ZNF235: variants seen among roughly 807,000 people sequenced by gnomAD.
ZNF235 encodes zfp-93.
In ZNF235, 25 loss-of-function variants were observed where a neutral mutation model predicts 29.4. The ratio of observed to expected loss-of-function variants is 0.85; its 90% CI spans 0.62 to 1.19. The LOEUF is 1.19. Ranked by LOEUF, ZNF235 falls within the 50% of genes most tolerant of loss-of-function variation. The pLI is 0.00. For missense variants in ZNF235, 788 were observed against 885.0 expected (o/e 0.89, Z 1.39); for synonymous variants, 300 against 295.3 (o/e 1.02, Z -0.16).
chr19:44,302,679 C>T (rs1298373420), intron 2 of ZNF235, among the ~76,000 whole-genome samples: 1 of 150,276 alleles, frequency 6.7e-6, no homozygotes, highest in East Asian at 2.0e-4. Flanking sequence ...CTCTTGAGCC[C>T]AGGCCCAGGC....
chr19:44,302,277 T>C (rs1211650198), intron 2 of ZNF235, among the ~76,000 whole-genome samples: 1 of 152,104 alleles, frequency 6.6e-6, no homozygotes. Flanking sequence ...GTCAATGTCC[T>C]TAAAATGGCA....
intron 1 of ZNF235, among the ~76,000 whole-genome samples, chr19:44,304,319 T>C (rs960179494): frequency 6.6e-6 from 1 of 152,210 alleles, no homozygotes; most frequent in Admixed American, 6.5e-5. Context: ...CCTCTGGCAC[T>C]CTGCAAATCC....
At chr19:44,303,499 T>G (rs866565172) in intron 1 of ZNF235, 47 bp from the exon 2 acceptor site, 1 of 1,536,402 alleles carries the variant, frequency 6.5e-7, no homozygotes, top group South Asian at 1.2e-5. Flanking sequence ...ATGGCATTAG[T>G]CACCATGGCA....
chr19:44,295,932 C>A (rs188747906), intron 4 of ZNF235, among the ~76,000 whole-genome samples: 56 of 152,270 alleles, frequency 3.7e-4, no homozygotes, highest in Middle Eastern at 3.4e-3. Context: ...CTAATAATAG[C>A]CATTCTGGCT....
intron 2 of ZNF235, among the ~76,000 whole-genome samples, chr19:44,302,694 G>A (rs961629832): frequency 1.3e-5 from 2 of 150,238 alleles, no homozygotes; most frequent in African/African-American, 4.9e-5. Context: ...CCAGGCTGCA[G>A]TGAGCCACTG....
At chr19:44,289,237 C>A in intron 4 of ZNF235, 41 bp from the exon 5 acceptor site, 1 of 1,522,806 alleles carries the variant, frequency 6.6e-7, no homozygotes, top group South Asian at 1.3e-5. Flanking sequence ...GACCAAGAGA[C>A]TGACATTAGC....
chr19:44,289,161 T>C lies in ZNF235; in HGVS notation c.274A>G (p.Lys92Glu). The change falls in exon 5 of 5, where the codon AAA becomes GAA. Residue 92 changes from lysine (K) to glutamate (E), a missense_variant. Lys to Glu is a moderately conservative substitution (Grantham distance 56). Transcript: ENST00000291182. ...AGTGAAAAGCACCTTAATCCTGCTT[T>C]GTGAAGAGTTGCCATCTCATTTTGA... The part of the protein sequence containing the change: ...RNQNEMATLH[K>E]AGLRCFSLGE... The C allele has an allele frequency of 6.2e-7, 1 of 1,613,634 alleles. No individual in the cohort carries two copies. Among genetic ancestry groups the C allele is most frequent in the Non-Finnish European group, 8.5e-7 (1 of 1,179,840 alleles).
rs1393167761 is a variant in ZNF235 at position 44,298,813 on chromosome 19, T to A, written c.233A>T (p.His78Leu). The change falls in exon 4 of 5, where the codon CAT becomes CTT. Residue 78 changes from histidine to leucine, a missense_variant. By Grantham distance (99) the His-to-Leu change is moderately conservative. Coordinates refer to ENST00000291182, the MANE Select transcript of ZNF235 (RefSeq NM_004234.4). ...MKELQTQRGK[H>L]SGDRNQNEMA... ...TCCGGCTGCACAGTACTCACCTGAA[T>A]GCTTACCTCTTTGGGTTTGAAGCTC... The A allele has an allele frequency of 6.2e-7, 1 of 1,612,260 alleles. No homozygotes were observed. The highest frequency in any genetic ancestry group is 1.7e-5 in the Admixed American group (1 of 60,012).
At chr19:44,303,333 C>T in intron 2 of ZNF235, 57 bp downstream of exon 2, 2 of 1,588,370 alleles carry the variant, frequency 1.3e-6, no homozygotes, top group South Asian at 2.2e-5. Flanking sequence ...AAAAATGTGT[C>T]CAATCTTTGT....
intron 1 of ZNF235, 108 bp from the exon 2 acceptor site, chr19:44,303,560 G>T (rs1387016524): frequency 4.2e-6 from 4 of 952,446 alleles, no homozygotes; most frequent in Non-Finnish European, 6.3e-6. Context: ...GGCAGACACA[G>T]TTGCACACGG....
rs1399654754 is a variant in ZNF235 at position 44,288,666 on chromosome 19, G to GA, written c.768dup (p.His257SerfsTer10). Reference sequence around the variant, plus strand: ...CCCTGGTAGGTTTTCTGTCCTGTGTGAATACTACGCTGGGTAAGAGGTGAT... The same window carrying GA: ...CCCTGGTAGGTTTTCTGTCCTGTGTGAAATACTACGCTGGGTAAGAGGTGAT... On this transcript the variant is annotated frameshift_variant, in exon 5 of 5. Transcript: ENST00000291182. LOFTEE classifies it low-confidence loss of function (END_TRUNC). 1 of 1,614,100 alleles carries GA rather than the reference G, an allele frequency of 6.2e-7. No individual in the cohort carries two copies. Among genetic ancestry groups the GA allele is most frequent in the East Asian group, 2.2e-5 (1 of 44,878 alleles).
In ZNF235 at chr19:44,287,412, T is replaced by C; in HGVS notation, c.2023A>G (p.Arg675Gly). 6.2e-7 allele frequency: 1 copy of C among 1,613,996 alleles called. No individual in the cohort carries two copies. Among genetic ancestry groups the C allele is most frequent in the East Asian group, 2.2e-5 (1 of 44,854 alleles). Residue 675 changes from arginine (R) to glycine (G), a missense_variant, in exon 5 of 5, where the codon AGG (arginine) becomes GGG (glycine). Transcript: ENST00000291182. ...SWSAGLSAHQ[R>G]VHTGEKPYTC... is the part of the protein sequence containing the mutation. ...TAGGGTTTCTCTCCTGTGTGGACCC[T>C]CTGATGGGCACTGAGACCAGCACTC...
Position 44,304,692 on chromosome 19 carries a change from G to C in ZNF235, c.-49+279C>G, listed in dbSNP as rs574608691. On this transcript the variant is annotated intron_variant, in intron 1 of 4. Transcript: ENST00000291182. ...GGAAACTGAGACAAGGAGAGATTAA[G>C]TAACTTGCCCAATATTTTACTGCGA... 1.6e-5 allele frequency: 16 copies of C among 982,942 alleles called. No homozygotes were observed. The South Asian group carries it at 6.6e-4, about 40-fold the overall frequency. 60.9% of individuals were successfully genotyped at this position (982,942 alleles called of 1,614,324 possible).
At position 44,288,157 on chromosome 19, in the gene ZNF235, A is replaced by T; in HGVS notation, c.1278T>A (p.Thr426=). 2 of 1,613,894 alleles carry T rather than the reference A, an allele frequency of 1.2e-6. No homozygotes were observed. Among genetic ancestry groups the T allele is most frequent in the Non-Finnish European group, 1.7e-6 (2 of 1,179,952 alleles). The change falls in exon 5 of 5, where the codon ACT becomes ACA. Residue 426 remains threonine (T), a synonymous_variant. Coordinates refer to ENST00000291182, the MANE Select transcript of ZNF235 (RefSeq NM_004234.4). ...CCCCACATTTATATGGTTTCTCTCC[A>T]GTGTGAATTCTTTCATGGGCCTGAA... The part of the protein sequence containing the change: ...SHLQAHERIH[T]GEKPYKCGDC...
chr19:44,299,880 C>T (rs1020238925), intron 2 of ZNF235, 148 bp from the exon 3 acceptor site: 5 of 1,192,750 alleles, frequency 4.2e-6, no homozygotes, highest in South Asian at 4.1e-5. Context: ...GTACATGTAA[C>T]GTGGTGCCCT....
intron 4 of ZNF235, among the ~76,000 whole-genome samples, chr19:44,295,827 C>A (rs1975646595): frequency 6.6e-6 from 1 of 152,060 alleles, no homozygotes; most frequent in African/African-American, 2.4e-5. Flanking sequence ...TCGAAAAAAA[C>A]ATACACTGGG....
intron 4 of ZNF235, among the ~76,000 whole-genome samples, chr19:44,295,307 TA>T (rs2123098711): frequency 6.6e-6 from 1 of 151,994 alleles, no homozygotes; most frequent in East Asian, 1.9e-4. Flanking sequence ...ATGATCAGGC[TA>T]AAAACCAAAT....
At chr19:44,302,514 A>G (rs1211743331) in intron 2 of ZNF235, among the ~76,000 whole-genome samples, 1 of 151,934 alleles carries the variant, frequency 6.6e-6, no homozygotes. Flanking sequence ...TAAAAAATAT[A>G]TCTGTTAGGC....
chr19:44,289,014 A>C lies in ZNF235; in HGVS notation c.421T>G (p.Cys141Gly). 1 of 1,614,168 alleles carries C rather than the reference A, an allele frequency of 6.2e-7. No homozygotes were observed. The highest frequency in any genetic ancestry group is 8.5e-7 in the Non-Finnish European group (1 of 1,180,018). ...ATAGATTCTCCTGCTCCCACTTGAC[A>C]GGGGGAATCATGGTGCTTGGGGAAC... ...SQFPKHHDSP[C>G]QVGAGESIQA... The change falls in exon 5 of 5, where the codon TGT becomes GGT. Residue 141 changes from cysteine to glycine, a missense_variant. By Grantham distance (159) the Cys-to-Gly change is radical. Transcript: ENST00000291182.
Sources: gnomAD v4.1 joint callset for allele counts (sites outside exome capture counted in the v4.1 genomes callset) on GRCh38, gnomAD v4.1.1 for gene constraint, MANE v1.5 for transcripts, NCBI Gene and HGNC (gene_info 2026-07-23, HGNC 2026-07-21) for gene names.